ABLIM1: variants seen among roughly 807,000 people sequenced by gnomAD.
ABLIM1 encodes actin binding LIM protein 1, also known as actin-binding LIM protein 1.
Under a neutral mutation model 107.0 loss-of-function variants are expected in ABLIM1, and 40 were observed. The observed-to-expected ratio is 0.37, with a 90% confidence interval of 0.29 to 0.49. The LOEUF is 0.49. ABLIM1 is among the 20% of genes least tolerant of loss of function. ABLIM1 has a pLI of 0.97. For synonymous variants in ABLIM1, 357 were observed against 357.3 expected (o/e 1.00, Z 0.01); for missense variants, 857 against 1,008.5 (o/e 0.85, Z 2.04).
chr10:114,742,941 A>G lies in ABLIM1; in HGVS notation c.-213+25120T>C, dbSNP rs563107529. 2.0e-5 allele frequency among the ~76,000 whole-genome samples: 3 copies of G among 152,226 alleles called. 1 individual carries two copies. The South Asian group carries it at 6.2e-4, about 32-fold the overall frequency. On this transcript the variant is annotated intron_variant, in intron 1 of 15. Coordinates refer to the ABLIM1 transcript ENST00000651092. ...CTGTCTCAAAAAAATAAAAAAATAA[A>G]AATCTACCTCAAGGACAGATGTGAG... is the stretch of plus-strand genomic sequence containing the variant.
rs780378239 is a variant in ABLIM1 at position 114,571,457 on chromosome 10, T to G, written c.564-51A>C. 25 of 1,546,206 alleles carry G rather than the reference T, an allele frequency of 1.6e-5. No individual in the cohort carries two copies. In the Admixed American group the frequency reaches 4.0e-4, roughly 25 times the overall value. On this transcript the variant is annotated intron_variant, in intron 3 of 22. Transcript: ENST00000533213. ...AAGGTTATTGCAGCAATTTCATTCC[T>G]TTTCCTTATTCCTTCTGCTTGCTGC... is the stretch of plus-strand genomic sequence containing the variant.
Position 114,593,870 on chromosome 10 carries a change from T to A in ABLIM1, c.379+7957A>T, listed in dbSNP as rs922012496. 2.6e-5 allele frequency among the ~76,000 whole-genome samples: 4 copies of A among 152,330 alleles called. No individual in the cohort carries two copies. In the South Asian group the frequency reaches 8.3e-4, roughly 32 times the overall value. On this transcript the variant is annotated intron_variant, in intron 2 of 22. Coordinates refer to ENST00000533213, the MANE Select transcript of ABLIM1 (RefSeq NM_002313.7). Reference sequence around the variant, plus strand: ...TTCAAAACCTAAATGTTTTAAAAACTAAATTATATTTATTTGACAAGGTAA... The same window carrying A: ...TTCAAAACCTAAATGTTTTAAAAACAAAATTATATTTATTTGACAAGGTAA...
intron 6 of ABLIM1, among the ~76,000 whole-genome samples, chr10:114,536,624 G>T (rs2066067956): frequency 6.6e-6 from 1 of 151,956 alleles, no homozygotes; most frequent in Non-Finnish European, 1.5e-5. Context: ...CCTTTTTATG[G>T]CTGAATAATA....
chr10:114,737,554 C>A (rs1449920398), intron 1 of ABLIM1, among the ~76,000 whole-genome samples: 1 of 152,110 alleles, frequency 6.6e-6, no homozygotes, highest in Non-Finnish European at 1.5e-5. Context: ...TCATGTCCTG[C>A]CAAGTTCTTA....
intron 1 of ABLIM1, among the ~76,000 whole-genome samples, chr10:114,630,310 G>C (rs958932064): frequency 2.0e-5 from 3 of 152,146 alleles, no homozygotes; most frequent in Non-Finnish European, 4.4e-5. Context: ...TGTCATAGTT[G>C]GGTGGGAGCT....
the ABLIM1 span, among the ~76,000 whole-genome samples, chr10:114,775,310 C>G: frequency 1.1e-4 from 17 of 152,262 alleles, no homozygotes; most frequent in East Asian, 2.7e-3. Context: ...GGTGGGGACA[C>G]AGAACCAAAC....
chr10:114,695,735 G>T (rs1347245167), intron 1 of ABLIM1, among the ~76,000 whole-genome samples: 1 of 152,160 alleles, frequency 6.6e-6, no homozygotes, highest in Non-Finnish European at 1.5e-5. Context: ...TGGAGACAAT[G>T]CCATGGCATT....
chr10:114,624,993 G>C (rs999155046), intron 1 of ABLIM1, among the ~76,000 whole-genome samples: 3 of 152,166 alleles, frequency 2.0e-5, no homozygotes, highest in African/African-American at 7.2e-5. Flanking sequence ...GAAATTCACA[G>C]TTGAGTAGTG....
At chr10:114,694,231 T>C (rs567408048) in intron 1 of ABLIM1, among the ~76,000 whole-genome samples, 9 of 152,274 alleles carry the variant, frequency 5.9e-5, no homozygotes, top group African/African-American at 2.2e-4. Flanking sequence ...ACTCATAAGG[T>C]AGCAAACCAC....
chr10:114,512,144 T>C (rs750348088), intron 6 of ABLIM1, among the ~76,000 whole-genome samples: 1 of 152,216 alleles, frequency 6.6e-6, no homozygotes, highest in Non-Finnish European at 1.5e-5. Context: ...GGAAGCTGCT[T>C]ATTCCAAAAG....
intron 8 of ABLIM1, chr10:114,485,223 A>G: frequency 8.4e-7 from 1 of 1,192,134 alleles, no homozygotes; most frequent in South Asian, 1.7e-5. Context: ...TGAGAAAAGC[A>G]GCCCAGGGGA....
chr10:114,603,762 T>A (rs2076209884), intron 1 of ABLIM1, among the ~76,000 whole-genome samples: 1 of 151,952 alleles, frequency 6.6e-6, no homozygotes, highest in Non-Finnish European at 1.5e-5. Flanking sequence ...GAGACCAGCC[T>A]GGCCAACACG....
intron 1 of ABLIM1, among the ~76,000 whole-genome samples, chr10:114,753,541 TAC>T (rs1478676939): frequency 6.6e-6 from 1 of 152,214 alleles, no homozygotes; most frequent in Non-Finnish European, 1.5e-5. Context: ...GCAATGTCTG[TAC>T]ATACTAATAC....
chr10:114,468,031 C>T (rs757129156), intron 11 of ABLIM1, 150 bp downstream of exon 11: 7 of 677,154 alleles, frequency 1.0e-5, no homozygotes, highest in African/African-American at 5.4e-5. Flanking sequence ...TCCTCTTTCA[C>T]GGAGGTAATC....
chr10:114,564,682 C>T lies in ABLIM1; in HGVS notation c.673+6615G>A, dbSNP rs138918797. On this transcript the variant is annotated intron_variant, in intron 4 of 22. Transcript: ENST00000533213. ...AAGCAGAGATTTTCCAATTTACAGACGAGGGCGCTGAGTTTCTGAGATATC... is the reference window on the plus strand; with the variant it reads ...AAGCAGAGATTTTCCAATTTACAGATGAGGGCGCTGAGTTTCTGAGATATC... Among the ~76,000 whole-genome samples, 237 of 152,252 alleles carry T rather than the reference C, an allele frequency of 1.6e-3. 1 individual carries two copies. The highest frequency in any genetic ancestry group is 2.7e-3 in the Non-Finnish European group (183 of 68,024).
chr10:114,466,176 C>A (rs894764284), intron 11 of ABLIM1, among the ~76,000 whole-genome samples: 1 of 151,974 alleles, frequency 6.6e-6, no homozygotes, highest in Non-Finnish European at 1.5e-5. Context: ...CTTGTCTTTA[C>A]AAAAAACTGT....
intron 1 of ABLIM1, among the ~76,000 whole-genome samples, chr10:114,670,731 C>A (rs1171340148): frequency 6.6e-6 from 1 of 152,180 alleles, no homozygotes; most frequent in Non-Finnish European, 1.5e-5. Flanking sequence ...TGGGCCCAAG[C>A]GATGAGAAGT....
rs142837876 is a variant in ABLIM1 at position 114,720,761 on chromosome 10, TAAA to T, written c.-213+47297_-213+47299del. ...AAAAAAGCAAGCATAAAAACAATCT[TAAA>T]GAAGACAACCAAACCTGGTTTCTGC... On this transcript the variant is annotated intron_variant, in intron 1 of 15. Transcript: ENST00000651092. Among the ~76,000 whole-genome samples the T allele has an allele frequency of 9.9e-3, 1,513 of 152,156 alleles. 25 individuals carry two copies. The highest frequency in any genetic ancestry group is 0.033 in the African/African-American group (1,382 of 41,508).
At chr10:114,544,254 T>C (rs1207294353) in intron 6 of ABLIM1, among the ~76,000 whole-genome samples, 1 of 152,188 alleles carries the variant, frequency 6.6e-6, no homozygotes, top group Non-Finnish European at 1.5e-5. Context: ...CTCTCCACGC[T>C]GGCAGGTGGG....
Sources: gnomAD v4.1 joint callset for allele counts (sites outside exome capture counted in the v4.1 genomes callset) on GRCh38, gnomAD v4.1.1 for gene constraint, MANE v1.5 for transcripts, NCBI Gene and HGNC (gene_info 2026-07-23, HGNC 2026-07-21) for gene names.